Variants in RALYL observed in about 807,000 individuals in gnomAD.
The protein encoded by RALYL is RALY RNA binding protein like, also known as RNA-binding Raly-like protein.
A neutral mutation model predicts 35.1 loss-of-function variants in RALYL; 29 were observed. The observed-to-expected ratio is 0.83, with a 90% CI of 0.61 to 1.13. RALYL has a LOEUF of 1.13. Among genes scored for constraint, RALYL ranks in the 50% most tolerant of loss-of-function variants. The pLI, the probability that RALYL is intolerant of heterozygous loss-of-function variation, is 0.00. For missense variants in RALYL, 359 were observed against 360.4 expected (o/e 1.00, Z 0.03); for synonymous variants, 120 against 127.6 (o/e 0.94, Z 0.40).
chr8:84,769,651 C>G (rs1814948303), intron 2 of RALYL, among the ~76,000 whole-genome samples: 1 of 151,954 alleles, frequency 6.6e-6, no homozygotes, highest in Admixed American at 6.6e-5. Context: ...ATTCCAGCTA[C>G]TTGGGAGGCT....
At chr8:84,540,682 A>C (rs1453287361) in intron 2 of RALYL, among the ~76,000 whole-genome samples, 1 of 151,954 alleles carries the variant, frequency 6.6e-6, no homozygotes, top group African/African-American at 2.4e-5. Context: ...GGCCTCATAG[A>C]ACAAACTAGG....
chr8:84,429,966 A>G (rs1435531428), intron 1 of RALYL, among the ~76,000 whole-genome samples: 2 of 152,046 alleles, frequency 1.3e-5, no homozygotes, highest in Non-Finnish European at 2.9e-5. Flanking sequence ...AAAGGTGCAG[A>G]AAGAAACAAG....
intron 1 of RALYL, among the ~76,000 whole-genome samples, chr8:84,205,606 G>T (rs1817878150): frequency 6.6e-6 from 1 of 152,152 alleles, no homozygotes; most frequent in Admixed American, 6.5e-5. Flanking sequence ...AATAAATATA[G>T]TGTATATTTG....
At chr8:84,215,099 G>A (rs1304544948) in intron 1 of RALYL, among the ~76,000 whole-genome samples, 2 of 151,888 alleles carry the variant, frequency 1.3e-5, no homozygotes, top group East Asian at 1.9e-4. Flanking sequence ...TAGAGATGGG[G>A]TTTTGAGGGG....
At chr8:84,666,759 A>T (rs567641422) in intron 2 of RALYL, among the ~76,000 whole-genome samples, 1 of 152,078 alleles carries the variant, frequency 6.6e-6, no homozygotes, top group South Asian at 2.1e-4. Context: ...CTCTTGCTTC[A>T]TACTCCCAGA....
At chr8:84,601,112 T>C (rs1564213206) in intron 2 of RALYL, among the ~76,000 whole-genome samples, 1 of 152,140 alleles carries the variant, frequency 6.6e-6, no homozygotes, top group Non-Finnish European at 1.5e-5. Flanking sequence ...ATAAATGTCA[T>C]TTAATATGCA....
chr8:84,248,801 C>A (rs1186571490), intron 1 of RALYL, among the ~76,000 whole-genome samples: 1 of 151,978 alleles, frequency 6.6e-6, no homozygotes, highest in Non-Finnish European at 1.5e-5. Context: ...TAAGTAGCAG[C>A]AGTTTCATTT....
chr8:84,730,470 G>T (rs531953212), intron 2 of RALYL, among the ~76,000 whole-genome samples: 1 of 151,532 alleles, frequency 6.6e-6, no homozygotes, highest in South Asian at 2.1e-4. Flanking sequence ...TTTGAAAACT[G>T]GCACAAGACA....
intron 2 of RALYL, among the ~76,000 whole-genome samples, chr8:84,580,593 A>G (rs1730824): frequency 0.3 from 45,637 of 152,024 alleles, 7,685 homozygotes; most frequent in African/African-American, 0.46. Context: ...CTGCAACATT[A>G]AGAATCAAAT....
intron 1 of RALYL, among the ~76,000 whole-genome samples, chr8:84,292,907 C>T (rs1467042685): frequency 6.6e-6 from 1 of 152,008 alleles, no homozygotes; most frequent in Non-Finnish European, 1.5e-5. Flanking sequence ...GCGTACTTGC[C>T]CTGAATTCTT....
At chr8:84,898,872 T>C (rs926427927) in intron 8 of RALYL, among the ~76,000 whole-genome samples, 1 of 152,194 alleles carries the variant, frequency 6.6e-6, no homozygotes, top group African/African-American at 2.4e-5. Context: ...CCACAACTCC[T>C]GCAAACCTCT....
At chr8:84,436,543 GTTTTTTTTTTT>G (rs150233257) in intron 1 of RALYL, among the ~76,000 whole-genome samples, 23 of 62,406 alleles carry the variant, frequency 3.7e-4, no homozygotes, top group Non-Finnish European at 5.5e-4. Flanking sequence ...AATCATGGGA[GTTTTTTTTTTT>G]TTTTTTTTTT....
intron 8 of RALYL, among the ~76,000 whole-genome samples, chr8:84,910,216 T>C (rs1587162961): frequency 6.6e-6 from 1 of 152,088 alleles, no homozygotes; most frequent in Non-Finnish European, 1.5e-5. Context: ...TGAATTTCCA[T>C]ATGTACATTC....
intron 2 of RALYL, among the ~76,000 whole-genome samples, chr8:84,728,709 C>T (rs1282052465): frequency 1.3e-5 from 2 of 152,050 alleles, no homozygotes; most frequent in African/African-American, 2.4e-5. Flanking sequence ...CCAGTTTTCC[C>T]AGCACCATTT....
At chr8:84,208,927 AT>A (rs1489602584) in intron 1 of RALYL, among the ~76,000 whole-genome samples, 1 of 151,976 alleles carries the variant, frequency 6.6e-6, no homozygotes, top group Admixed American at 6.6e-5. Flanking sequence ...AAATAGATGA[AT>A]AAGGAAGGAG....
chr8:84,614,563 G>A (rs1819014254), intron 2 of RALYL, among the ~76,000 whole-genome samples: 1 of 151,556 alleles, frequency 6.6e-6, no homozygotes, highest in Non-Finnish European at 1.5e-5. Context: ...TAGATTCTCA[G>A]GTATTTAAGG....
intron 5 of RALYL, among the ~76,000 whole-genome samples, chr8:84,859,769 G>C (rs1359786053): frequency 3.9e-5 from 6 of 152,072 alleles, no homozygotes; most frequent in Non-Finnish European, 5.9e-5. Flanking sequence ...AGAATTGCTT[G>C]AGCCCAGGAG....
chr8:84,676,461 A>G (rs1233086290), intron 2 of RALYL, among the ~76,000 whole-genome samples: 1 of 152,196 alleles, frequency 6.6e-6, no homozygotes, highest in Non-Finnish European at 1.5e-5. Context: ...ATGTCCTAAC[A>G]TTCCCAGTGT....
chr8:84,482,852 A>G (rs1435564863), intron 1 of RALYL, among the ~76,000 whole-genome samples: 1 of 152,098 alleles, frequency 6.6e-6, no homozygotes, highest in Non-Finnish European at 1.5e-5. Context: ...ATCAAAAATA[A>G]TGACACTCTT....
Sources: gnomAD v4.1 joint callset for allele counts (sites outside exome capture counted in the v4.1 genomes callset) on GRCh38, gnomAD v4.1.1 for gene constraint, MANE v1.5 for transcripts, NCBI Gene and HGNC (gene_info 2026-07-23, HGNC 2026-07-21) for gene names.